The following FMN1 variants were observed in gnomAD, a reference collection of about 807,000 sequenced individuals.
FMN1 encodes the protein formin 1.
In FMN1, 110 loss-of-function variants were observed where a neutral mutation model predicts 132.4. The observed-to-expected ratio is 0.83, with a 90% CI of 0.71 to 0.97. The LOEUF (loss-of-function observed/expected upper bound fraction) is 0.97. Ranked by LOEUF, FMN1 falls within the 50% of genes least tolerant of loss-of-function variation. The pLI, the probability that FMN1 is intolerant of heterozygous loss-of-function variation, is 0.00. For synonymous variants in FMN1, 722 were observed against 651.7 expected (o/e 1.11, Z -1.64); for missense variants, 1,792 against 1,705.3 (o/e 1.05, Z -0.90).
chr15:33,158,960 G>C (rs1427522780), intron 3 of FMN1, among the ~76,000 whole-genome samples: 3 of 152,116 alleles, frequency 2.0e-5, no homozygotes, highest in Admixed American at 2.0e-4. Flanking sequence ...CCTGAGGTGG[G>C]TGGATCACTT....
At chr15:33,066,153 G>T (rs577557880) in intron 5 of FMN1, among the ~76,000 whole-genome samples, 1 of 152,296 alleles carries the variant, frequency 6.6e-6, no homozygotes, top group African/African-American at 2.4e-5. Flanking sequence ...GTATAATTAA[G>T]GGGTGAGGAA....
chr15:32,776,732 C>T, intron 20 of FMN1, 103 bp downstream of exon 20: 3 of 590,674 alleles, frequency 5.1e-6, no homozygotes, highest in Non-Finnish European at 5.9e-6. Flanking sequence ...GGGATGGGAA[C>T]TGAGAATCTG....
In FMN1 at chr15:32,857,071, GA is replaced by G. The variant is rs778295364; in HGVS notation, c.3871del (p.Ser1291ProfsTer13). Reference protein sequence around the residue: ...EKQMVVVCKESPKEYLQPFKD... With the variant: ...EKQMVVVCKEXPKEYLQPFKD... Reference sequence around the variant, plus strand: ...GAAAGGCTGGAGATACTCCTTTGGGGACTCCTTGCACACCACCACCATCTGT... The same window carrying G: ...GAAAGGCTGGAGATACTCCTTTGGGGCTCCTTGCACACCACCACCATCTGT... On this transcript the variant is annotated frameshift_variant, in exon 17 of 21. Coordinates refer to ENST00000616417, the MANE Select transcript of FMN1 (RefSeq NM_001277313.2). LOFTEE classifies it high-confidence loss of function. 6.2e-7 allele frequency: 1 copy of G among 1,613,860 alleles called. No individual in the cohort carries two copies. The highest frequency in any genetic ancestry group is 8.5e-7 in the Non-Finnish European group (1 of 1,179,754).
At chr15:32,827,760 C>T (rs776138065) in intron 17 of FMN1, among the ~76,000 whole-genome samples, 11 of 151,454 alleles carry the variant, frequency 7.3e-5, no homozygotes, top group African/African-American at 2.7e-4. Flanking sequence ...AGGAGAATGG[C>T]GTGAGTCCAG....
At chr15:33,029,253 A>C (rs1325642580) in intron 6 of FMN1, among the ~76,000 whole-genome samples, 1 of 149,338 alleles carries the variant, frequency 6.7e-6, no homozygotes, top group Non-Finnish European at 1.5e-5. Flanking sequence ...ACATTTTATG[A>C]ACACACAAGG....
chr15:33,055,029 C>A (rs991766913), intron 6 of FMN1, among the ~76,000 whole-genome samples: 5 of 152,156 alleles, frequency 3.3e-5, no homozygotes, highest in African/African-American at 1.2e-4. Context: ...AAAATTTAAC[C>A]TGAACAACTA....
intron 16 of FMN1, among the ~76,000 whole-genome samples, chr15:32,880,510 C>G (rs575250566): frequency 6.6e-6 from 1 of 152,224 alleles, no homozygotes; most frequent in East Asian, 1.9e-4. Context: ...TTTCTCTGTG[C>G]TGGAGGCTCC....
chr15:32,785,064 C>T (rs1013845811), intron 19 of FMN1, among the ~76,000 whole-genome samples: 18 of 150,708 alleles, frequency 1.2e-4, no homozygotes, highest in Middle Eastern at 6.9e-3. Context: ...TCCCATTCAA[C>T]GTATCTGTGT....
intron 10 of FMN1, among the ~76,000 whole-genome samples, chr15:32,924,992 T>C (rs191036817): frequency 6.6e-6 from 1 of 152,296 alleles, no homozygotes; most frequent in East Asian, 1.9e-4. Flanking sequence ...GGAGTATTGT[T>C]TTCATGCGAG....
intron 16 of FMN1, among the ~76,000 whole-genome samples, chr15:32,871,919 A>G (rs2059525000): frequency 6.6e-6 from 1 of 152,212 alleles, no homozygotes; most frequent in South Asian, 2.1e-4. Context: ...AGGACCATCC[A>G]TCCACTGAAG....
intron 4 of FMN1, among the ~76,000 whole-genome samples, chr15:33,142,094 T>C (rs1375338266): frequency 1.3e-5 from 2 of 152,214 alleles, no homozygotes; most frequent in African/African-American, 2.4e-5. Context: ...CTGTCAATAA[T>C]GCCCTTCAAA....
intron 4 of FMN1, among the ~76,000 whole-genome samples, chr15:33,116,350 T>G (rs558546377): frequency 1.3e-5 from 2 of 152,204 alleles, no homozygotes; most frequent in Non-Finnish European, 2.9e-5. Context: ...AGCAGCCAAG[T>G]TGCAACAAAT....
intron 9 of FMN1, among the ~76,000 whole-genome samples, chr15:32,949,585 C>A (rs1260682753): frequency 6.6e-6 from 1 of 151,732 alleles, no homozygotes; most frequent in African/African-American, 2.4e-5. Flanking sequence ...AATGTAAAAC[C>A]CAAAACTATA....
Position 32,968,997 on chromosome 15 carries a change from G to C in FMN1, c.2704C>G (p.Pro902Ala). The C allele has an allele frequency of 8.7e-7, 1 of 1,148,712 alleles. No individual in the cohort carries two copies. The highest frequency in any genetic ancestry group is 1.2e-6 in the Non-Finnish European group (1 of 802,210). 71.2% of individuals were successfully genotyped at this position (1,148,712 alleles called of 1,614,324 possible). A position where few individuals can be genotyped will look rare whatever the true frequency, so the allele number is the denominator to read the frequency against. The stretch of plus-strand genomic sequence containing the variant: ...GGTGGAGGAGGCGGAGGTGGTAGCG[G>C]TGGCCCAGCACTCACAGGTGGCATT... Reference protein sequence around the residue: ...PPMPPVSAGPPLPPPPPPPPP... With the variant: ...PPMPPVSAGPALPPPPPPPPP... The change falls in exon 8 of 21, where the codon CCG becomes GCG. Residue 902 changes from proline (P) to alanine (A), a missense_variant. This residue lies in a region of FMN1 where 1,150 missense variants were observed against 1,043.1 expected (regional missense o/e 1.10). Transcript: ENST00000616417.
intron 13 of FMN1, among the ~76,000 whole-genome samples, chr15:32,900,881 C>T (rs1374629521): frequency 3.3e-5 from 5 of 152,134 alleles, no homozygotes; most frequent in East Asian, 3.9e-4. Context: ...TGGCTGGGCA[C>T]GGTGGCTCAC....
At chr15:33,100,535 T>C (rs1218455009) in intron 4 of FMN1, among the ~76,000 whole-genome samples, 2 of 151,846 alleles carry the variant, frequency 1.3e-5, no homozygotes, top group East Asian at 3.9e-4. Flanking sequence ...GGGGTCAAGA[T>C]GGGGAGAGGG....
intron 2 of FMN1, among the ~76,000 whole-genome samples, chr15:33,192,137 A>G (rs1231607014): frequency 1.3e-5 from 2 of 152,268 alleles, no homozygotes; most frequent in Non-Finnish European, 2.9e-5. Flanking sequence ...AGGCAAGATC[A>G]TCTAAAGCAC....
intron 5 of FMN1, chr15:33,066,943 C>T (rs1293225976): frequency 1.9e-6 from 3 of 1,613,900 alleles, no homozygotes; most frequent in African/African-American, 2.7e-5. Flanking sequence ...AGGACTTCTG[C>T]ACAGGCTGCG....
intron 19 of FMN1, among the ~76,000 whole-genome samples, chr15:32,789,080 G>A (rs934126188): frequency 1.3e-5 from 2 of 152,116 alleles, no homozygotes; most frequent in Non-Finnish European, 2.9e-5. Context: ...ATGGCAAAAG[G>A]AAACACAATG....
Sources: gnomAD v4.1 joint callset for allele counts (sites outside exome capture counted in the v4.1 genomes callset) on GRCh38, gnomAD v4.1.1 for gene constraint, gnomAD v4.1.1 regional missense constraint, MANE v1.5 for transcripts, NCBI Gene and HGNC (gene_info 2026-07-23, HGNC 2026-07-21) for gene names.